SYNJ2: variants seen among roughly 807,000 people sequenced by gnomAD.
SYNJ2 encodes synaptojanin 2, also known as polyphosphatidylinositol phosphatase SYNJ2.
In SYNJ2, 116 loss-of-function variants were observed where a neutral mutation model predicts 141.3. That is an observed-to-expected ratio of 0.82 (90% confidence interval 0.71 to 0.96). The LOEUF (loss-of-function observed/expected upper bound fraction) is 0.96, where lower values mean the gene tolerates loss of function less well. Among genes scored for constraint, SYNJ2 ranks in the 40% least tolerant of loss-of-function variants. SYNJ2 has a pLI of 0.00. For synonymous variants in SYNJ2, 745 were observed against 777.7 expected, an observed-to-expected ratio of 0.96 and a Z score of 0.70; for missense variants, 1,873 against 1,934.8, an observed-to-expected ratio of 0.97 and a Z score of 0.60.
chr6:157,997,411 G>C (rs569105662), intron 1 of SYNJ2, among the ~76,000 whole-genome samples: 2 of 152,162 alleles, frequency 1.3e-5, no homozygotes, highest in Non-Finnish European at 2.9e-5. Flanking sequence ...ACAGGCAGAC[G>C]CACGCAGAGG....
In SYNJ2 at chr6:158,043,505, G is replaced by T. The variant is rs1780065973; in HGVS notation, c.795+106G>T. The T allele has an allele frequency of 1.3e-6, 1 of 796,666 alleles. No individual in the cohort carries two copies. The highest frequency in any genetic ancestry group is 2.1e-6 in the Non-Finnish European group (1 of 486,658). 49.3% of individuals were successfully genotyped at this position (796,666 alleles called of 1,614,324 possible). A position where few individuals can be genotyped will look rare whatever the true frequency, so the allele number is the denominator to read the frequency against. ...TTTAACACGTTCGTTTCATGGCATA[G>T]TTTCCAGTCTTTTTCCTCAGCCCTG... On this transcript the variant is annotated intron_variant, in intron 5 of 26. Transcript: ENST00000355585. This position sits in a 1 kb window ranked among gnomAD's most constrained non-coding sequence, Gnocchi z 4.0.
chr6:158,044,677 G>A (rs1037011017), intron 5 of SYNJ2, among the ~76,000 whole-genome samples: 3 of 152,158 alleles, frequency 2.0e-5, no homozygotes, highest in African/African-American at 4.8e-5. Context: ...CATTTATGGT[G>A]TTGTGTAACC....
At chr6:157,994,489 CAGGCCCTTGTAACA>C (rs1777570596) in intron 1 of SYNJ2, among the ~76,000 whole-genome samples, 1 of 152,234 alleles carries the variant, frequency 6.6e-6, no homozygotes, top group Non-Finnish European at 1.5e-5. Context: ...AGGCCTGAGC[CAGGCCCTTGTAACA>C]AGGCCCTTCT....
rs1018981704 is a variant in SYNJ2 at position 158,086,994 on chromosome 6, G to A, written c.3343+5G>A. ...CGCAGAGACCCCCCCCTCCAAGTAAGACTCTGCTTGCTTTCAGCTCCCTGG... is the reference window on the plus strand; with the variant it reads ...CGCAGAGACCCCCCCCTCCAAGTAAAACTCTGCTTGCTTTCAGCTCCCTGG... On this transcript the variant is annotated splice_donor_5th_base_variant and intron_variant, in intron 23 of 26. Coordinates refer to ENST00000355585, the MANE Select transcript of SYNJ2 (RefSeq NM_003898.4). 6 of 1,583,982 alleles carry A rather than the reference G, an allele frequency of 3.8e-6. No individual in the cohort carries two copies. Among genetic ancestry groups the A allele is most frequent in the Non-Finnish European group, 5.1e-6 (6 of 1,170,818 alleles).
At chr6:158,081,394 T>A in intron 19 of SYNJ2, 38 bp from the exon 20 acceptor site, 6 of 1,612,414 alleles carry the variant, frequency 3.7e-6, no homozygotes, top group Non-Finnish European at 4.2e-6. Flanking sequence ...AGCTGCCAGG[T>A]CGTTCTTGGC....
intron 1 of SYNJ2, among the ~76,000 whole-genome samples, chr6:158,006,846 T>A (rs1778090582): frequency 6.6e-6 from 1 of 151,774 alleles, no homozygotes; most frequent in Non-Finnish European, 1.5e-5. Flanking sequence ...CTAAATTTTG[T>A]ATTTTTAGTG....
At chr6:158,094,782 T>C (rs1469901475) in intron 26 of SYNJ2, among the ~76,000 whole-genome samples, 1 of 152,268 alleles carries the variant, frequency 6.6e-6, no homozygotes, top group Non-Finnish European at 1.5e-5. Flanking sequence ...TGCAGTTGTT[T>C]TCTTTGTGAT....
At chr6:158,095,525 C>T in intron 26 of SYNJ2, 93 bp from the exon 27 acceptor site, 1 of 1,449,898 alleles carries the variant, frequency 6.9e-7, no homozygotes. Context: ...AGCTTGGTCT[C>T]ATCTCTGTTC....
intron 5 of SYNJ2, among the ~76,000 whole-genome samples, chr6:158,046,237 C>A (rs1410738810): frequency 2.0e-5 from 3 of 151,856 alleles, no homozygotes; most frequent in Non-Finnish European, 4.4e-5. Context: ...TGAGCCATCG[C>A]GCCCGGCCTC....
Position 158,071,931 on chromosome 6 carries a change from G to A in SYNJ2, c.2133+137G>A, listed in dbSNP as rs896472497. 4 of 1,054,532 alleles carry A rather than the reference G, an allele frequency of 3.8e-6. No homozygotes were observed. The highest frequency in any genetic ancestry group is 3.1e-4 in the Middle Eastern group (1 of 3,222). 65.3% of individuals were successfully genotyped at this position (1,054,532 alleles called of 1,614,324 possible). On this transcript the variant is annotated intron_variant, in intron 15 of 26. Transcript: ENST00000355585. This position sits in a 1 kb window ranked among gnomAD's most constrained non-coding sequence, Gnocchi z 4.3. ...GGAGGGCTCAGCGCTGGGGGAGGGG[G>A]AGAGGGCTATGTCCCTCCATGGAAT...
In SYNJ2 at chr6:158,071,720, A is replaced by C; in HGVS notation, c.2059A>C (p.Thr687Pro). ...CTTCTGCTTCATATGTAGTCACCTG[A>C]CGGCCGGGCAGTCCCAGGTGAAGGA... ...TSFCFICSHL[T>P]AGQSQVKERN... Residue 687 changes from threonine (T) to proline (P), a missense_variant, in exon 15 of 27, where the codon ACG (threonine) becomes CCG (proline). Transcript: ENST00000355585. The surrounding 1 kb of genome is among the most constrained non-coding windows in gnomAD (Gnocchi z 4.3). 1 of 1,614,010 alleles carries C rather than the reference A, an allele frequency of 6.2e-7. No individual in the cohort carries two copies.
At chr6:158,046,326 A>ATAACTG (rs1167613742) in intron 5 of SYNJ2, among the ~76,000 whole-genome samples, 1 of 152,176 alleles carries the variant, frequency 6.6e-6, no homozygotes, top group Non-Finnish European at 1.5e-5. Context: ...TTTGGGCCTA[A>ATAACTG]TACCTGTGTT....
intron 1 of SYNJ2, among the ~76,000 whole-genome samples, chr6:157,983,546 G>GCCAA (rs763177993): frequency 2.0e-5 from 3 of 152,214 alleles, no homozygotes; most frequent in Non-Finnish European, 2.9e-5. Flanking sequence ...GCAACATTAA[G>GCCAA]CCAAGTTCAT....
chr6:158,094,147 C>T (rs1783652470), intron 26 of SYNJ2: 1 of 628,210 alleles, frequency 1.6e-6, no homozygotes, highest in Admixed American at 2.4e-5. Context: ...CTGGGTTGCT[C>T]TTCTGTCCCA....
intron 5 of SYNJ2, among the ~76,000 whole-genome samples, chr6:158,052,462 A>G (rs1177894441): frequency 6.6e-6 from 1 of 152,198 alleles, no homozygotes; most frequent in Non-Finnish European, 1.5e-5. Flanking sequence ...GCTCATGGTA[A>G]TGCAGGCTAT....
At chr6:158,078,495 C>A in intron 18 of SYNJ2, 1 of 361,432 alleles carries the variant, frequency 2.8e-6, no homozygotes, top group Non-Finnish European at 5.0e-6. Context: ...TGTCATTGCT[C>A]CATATCATAA....
rs1260342982 is a variant in SYNJ2, at chr6:158,043,146, C to T, written c.712-170C>T. ...GCCAGCATGCCCGCCCAGTACCTGG[C>T]GAGAGGTCAGGGCGCATTGCCGGAT... is the stretch of plus-strand genomic sequence containing the variant. On this transcript the variant is annotated intron_variant, in intron 4 of 26. Transcript: ENST00000355585. This position sits in a 1 kb window ranked among gnomAD's most constrained non-coding sequence, Gnocchi z 4.0. 1.3e-5 allele frequency among the ~76,000 whole-genome samples: 2 copies of T among 152,188 alleles called. No individual in the cohort carries two copies. The highest frequency in any genetic ancestry group is 2.9e-5 in the Non-Finnish European group (2 of 68,028).
intron 1 of SYNJ2, among the ~76,000 whole-genome samples, chr6:157,991,287 G>A (rs191584778): frequency 9.2e-5 from 14 of 152,314 alleles, no homozygotes; most frequent in East Asian, 7.7e-4. Context: ...CAACAAACCC[G>A]GGACAGCAGT....
rs572175568 is a variant in SYNJ2, at chr6:157,987,127, T to C, written c.127+5039T>C. Among the ~76,000 whole-genome samples the C allele has an allele frequency of 9.2e-5, 14 of 151,644 alleles. No homozygotes were observed. In the East Asian group the frequency reaches 1.4e-3, roughly 15 times the overall value. ...TTAGCCTTCCGAGTAGCTGGGACTA[T>C]AGGCGTGTGCTACCATGCCCGGCTA... On this transcript the variant is annotated intron_variant, in intron 1 of 26. Coordinates refer to ENST00000355585, the MANE Select transcript of SYNJ2 (RefSeq NM_003898.4).
Sources: allele counts gnomAD v4.1 joint callset (sites outside exome capture counted in the v4.1 genomes callset), GRCh38; gene constraint gnomAD v4.1.1; non-coding constraint Gnocchi (gnomAD v3.1); transcripts MANE v1.5; gene names NCBI Gene and HGNC (gene_info 2026-07-23, HGNC 2026-07-21).